The following ITPK1 variants were observed in gnomAD, a reference collection of about 807,000 sequenced individuals.
ITPK1 encodes inositol 1,3,4-trisphosphate 5/6-kinase.
In ITPK1, 21 loss-of-function variants were observed where a neutral mutation model predicts 45.3. The observed-to-expected ratio is 0.46, with a 90% confidence interval of 0.33 to 0.67. The LOEUF (loss-of-function observed/expected upper bound fraction) is 0.67, where lower values mean the gene tolerates loss of function less well. Among genes scored for constraint, ITPK1 ranks in the 30% least tolerant of loss-of-function variants. ITPK1 has a pLI of 0.02. For synonymous variants in ITPK1, 258 were observed against 253.6 expected, an observed-to-expected ratio of 1.02 and a Z score of -0.16; for missense variants, 474 against 573.5, an observed-to-expected ratio of 0.83 and a Z score of 1.77.
chr14:92,995,352 T>A (rs1886997495), intron 4 of ITPK1, among the ~76,000 whole-genome samples: 1 of 152,222 alleles, frequency 6.6e-6, no homozygotes, highest in Non-Finnish European at 1.5e-5. Context: ...GCCTTCCTAG[T>A]GAGCCTTATG....
chr14:93,109,872 C>T (rs1405162753), intron 2 of ITPK1, among the ~76,000 whole-genome samples: 2 of 152,182 alleles, frequency 1.3e-5, no homozygotes. Context: ...ACCAAGAACA[C>T]TAAATCTACA....
At chr14:92,948,044 G>A (rs941607327) in intron 9 of ITPK1, among the ~76,000 whole-genome samples, 1 of 152,234 alleles carries the variant, frequency 6.6e-6, no homozygotes, top group African/African-American at 2.4e-5. Flanking sequence ...ATGCCACAAA[G>A]CGGAGGAACC....
At chr14:93,004,236 G>A (rs746479648) in intron 4 of ITPK1, among the ~76,000 whole-genome samples, 2 of 152,230 alleles carry the variant, frequency 1.3e-5, no homozygotes, top group African/African-American at 2.4e-5. Context: ...GTGCATTGGC[G>A]ACAGGCACCG....
chr14:93,115,594 G>C (rs1253398628), intron 1 of ITPK1, among the ~76,000 whole-genome samples, 178 bp downstream of exon 1: 1 of 147,620 alleles, frequency 6.8e-6, no homozygotes, highest in African/African-American at 2.5e-5. Context: ...CTCCCGCCGC[G>C]CGGGCCCGAG....
At chr14:93,103,973 G>A (rs538352134) in intron 2 of ITPK1, among the ~76,000 whole-genome samples, 3 of 152,308 alleles carry the variant, frequency 2.0e-5, no homozygotes, top group East Asian at 3.9e-4. Flanking sequence ...ATGTGTCAGA[G>A]GCCCCAGGCC....
At chr14:92,955,427 A>C (rs540003296) in intron 8 of ITPK1, among the ~76,000 whole-genome samples, 105 of 152,344 alleles carry the variant, frequency 6.9e-4, no homozygotes, top group African/African-American at 2.5e-3. Context: ...CTGCGTCCTC[A>C]GGGTAAAGAC....
At chr14:92,957,706 TCA>T (rs1566695617) in intron 8 of ITPK1, among the ~76,000 whole-genome samples, 1 of 152,220 alleles carries the variant, frequency 6.6e-6, no homozygotes, top group Non-Finnish European at 1.5e-5. Context: ...CTGCTGCTTC[TCA>T]CAGTCTGATT....
chr14:93,080,554 G>A (rs932512125), intron 2 of ITPK1, among the ~76,000 whole-genome samples: 5 of 152,144 alleles, frequency 3.3e-5, no homozygotes, highest in South Asian at 2.1e-4. Flanking sequence ...TGCAGCACTC[G>A]CTATGGGTTC....
chr14:92,999,448 C>T (rs1271921406), intron 4 of ITPK1, among the ~76,000 whole-genome samples: 1 of 152,256 alleles, frequency 6.6e-6, no homozygotes, highest in Non-Finnish European at 1.5e-5. Context: ...GGCTGCATGG[C>T]CTGAGCGCCG....
chr14:92,989,870 T>C (rs1161327530), intron 5 of ITPK1, among the ~76,000 whole-genome samples: 1 of 152,054 alleles, frequency 6.6e-6, no homozygotes, highest in Non-Finnish European at 1.5e-5. Flanking sequence ...GGTAGGGCCC[T>C]GGCATGCTGG....
chr14:93,097,139 G>A (rs913929779), intron 2 of ITPK1, among the ~76,000 whole-genome samples: 19 of 152,240 alleles, frequency 1.2e-4, no homozygotes, highest in Non-Finnish European at 2.1e-4. Context: ...TCTATGGGCT[G>A]CCGGCCAACG....
intron 2 of ITPK1, among the ~76,000 whole-genome samples, chr14:93,094,835 C>T (rs186104401): frequency 6.9e-4 from 105 of 152,372 alleles, no homozygotes; most frequent in African/African-American, 2.4e-3. Context: ...CTCCCCACAG[C>T]CACCCATCTG....
At chr14:93,046,597 G>T (rs912331663) in intron 3 of ITPK1, among the ~76,000 whole-genome samples, 4 of 150,420 alleles carry the variant, frequency 2.7e-5, no homozygotes, top group Non-Finnish European at 4.4e-5. Context: ...CCGGGGGCGG[G>T]GGGGGGCGGC....
chr14:93,094,266 T>G (rs1891978873), intron 2 of ITPK1, among the ~76,000 whole-genome samples: 1 of 152,164 alleles, frequency 6.6e-6, no homozygotes, highest in African/African-American at 2.4e-5. Flanking sequence ...GTGGGTGACT[T>G]AAGAATAAGA....
intron 2 of ITPK1, among the ~76,000 whole-genome samples, chr14:93,084,459 T>C (rs1237338308): frequency 6.6e-6 from 1 of 152,098 alleles, no homozygotes; most frequent in Non-Finnish European, 1.5e-5. Context: ...GTGCTGAACT[T>C]AAGAAGTGGG....
chr14:92,971,391 C>A (rs904149217), intron 5 of ITPK1, among the ~76,000 whole-genome samples: 1 of 152,228 alleles, frequency 6.6e-6, no homozygotes, highest in Non-Finnish European at 1.5e-5. Context: ...ACCCCTCCCC[C>A]ACTCATCGTC....
At chr14:92,962,309 G>C in intron 7 of ITPK1, 46 bp downstream of exon 7, 1 of 1,436,496 alleles carries the variant, frequency 7.0e-7, no homozygotes, top group East Asian at 2.3e-5. Flanking sequence ...ACGATGAGCT[G>C]AAAGGATGGG....
chr14:93,046,166 C>T (rs546710362), intron 3 of ITPK1, among the ~76,000 whole-genome samples: 45 of 152,356 alleles, frequency 3.0e-4, no homozygotes, highest in African/African-American at 1.0e-3. Context: ...TTGACCTCAT[C>T]GCCCAGGCTG....
chr14:93,039,916 C>T (rs1175491447), intron 3 of ITPK1, among the ~76,000 whole-genome samples: 1 of 152,228 alleles, frequency 6.6e-6, no homozygotes, highest in African/African-American at 2.4e-5. Flanking sequence ...GGCCCTCTGT[C>T]CTCCCCACAG....
Sources: allele counts gnomAD v4.1 joint callset (sites outside exome capture counted in the v4.1 genomes callset), GRCh38; gene constraint gnomAD v4.1.1; transcripts MANE v1.5; gene names NCBI Gene and HGNC (gene_info 2026-07-23, HGNC 2026-07-21).